Variants in XRCC4 observed in about 807,000 individuals in gnomAD.
XRCC4 encodes the protein X-ray repair cross complementing 4, also known as DNA repair protein XRCC4.
In XRCC4, 28 loss-of-function variants were observed where a neutral mutation model predicts 39.1. The ratio of observed to expected loss-of-function variants is 0.72; its 90% CI spans 0.53 to 0.98. The LOEUF (loss-of-function observed/expected upper bound fraction) is 0.98. Ranked by LOEUF, XRCC4 falls within the 50% of genes least tolerant of loss-of-function variation. XRCC4 has a pLI of 0.00. For missense variants in XRCC4, 350 were observed against 376.4 expected, an observed-to-expected ratio of 0.93 and a Z score of 0.58; for synonymous variants, 123 against 126.4, an observed-to-expected ratio of 0.97 and a Z score of 0.18.
chr5:83,097,701 G>A (rs1464169532), intron 1 of XRCC4, among the ~76,000 whole-genome samples: 1 of 152,116 alleles, frequency 6.6e-6, no homozygotes, highest in Admixed American at 6.6e-5. Context: ...GAAAAAGACT[G>A]CTGCTTAGTT....
At chr5:83,352,245 T>C (rs1561488598) in intron 7 of XRCC4, among the ~76,000 whole-genome samples, 1 of 152,178 alleles carries the variant, frequency 6.6e-6, no homozygotes, top group African/African-American at 2.4e-5. Flanking sequence ...AACTTGGAAA[T>C]AGAGGGGTAT....
intron 7 of XRCC4, chr5:83,280,615 A>C (rs1249020506): frequency 1.3e-5 from 5 of 399,912 alleles, no homozygotes; most frequent in Non-Finnish European, 2.3e-5. Flanking sequence ...CACCCTTCTC[A>C]AGGCTGCCTG....
At chr5:83,120,686 A>C (rs1251784025) in intron 3 of XRCC4, among the ~76,000 whole-genome samples, 1 of 152,192 alleles carries the variant, frequency 6.6e-6, no homozygotes, top group East Asian at 1.9e-4. Context: ...TTTTTGATGA[A>C]TATCTGGTGA....
rs74373750 is a variant in XRCC4 at position 83,094,884 on chromosome 5, C to CTTTT, written c.-10-10010_-10-10007dup. On this transcript the variant is annotated intron_variant, in intron 1 of 7. Coordinates refer to ENST00000396027, the MANE Select transcript of XRCC4 (RefSeq NM_003401.5). Reference sequence around the variant, plus strand: ...TTTTTAATAAGGATTATTCTGAAATCTTTTTTTTTTTTTTTTTTTACCATT... The same window carrying CTTTT: ...TTTTTAATAAGGATTATTCTGAAATCTTTTTTTTTTTTTTTTTTTTTTTACCATT... Among the ~76,000 whole-genome samples, 17 of 127,956 alleles carry CTTTT rather than the reference C, an allele frequency of 1.3e-4. 1 individual carries two copies. The highest frequency in any genetic ancestry group is 1.2e-3 in the Admixed American group (15 of 12,420). The allele number at this position is 127,956 out of a possible 152,430, so 83.9% of individuals were successfully genotyped here. A position where few individuals can be genotyped will look rare whatever the true frequency, so the allele number is the denominator to read the frequency against.
intron 3 of XRCC4, among the ~76,000 whole-genome samples, chr5:83,160,812 C>T (rs370810708): frequency 3.9e-5 from 6 of 152,164 alleles, no homozygotes; most frequent in South Asian, 4.2e-4. Flanking sequence ...CTACCCACCC[C>T]GCCACCCCCT....
chr5:83,286,555 C>T (rs892433670), intron 7 of XRCC4, among the ~76,000 whole-genome samples: 3 of 152,126 alleles, frequency 2.0e-5, no homozygotes, highest in Non-Finnish European at 4.4e-5. Flanking sequence ...AATTTCTTCT[C>T]TTGGAAACCT....
intron 7 of XRCC4, among the ~76,000 whole-genome samples, chr5:83,297,547 A>G (rs527679671): frequency 6.6e-6 from 1 of 152,130 alleles, no homozygotes; most frequent in South Asian, 2.1e-4. Flanking sequence ...AGCTATTAAT[A>G]TCAGTTAACA....
intron 7 of XRCC4, among the ~76,000 whole-genome samples, chr5:83,309,832 A>ACAT (rs1755645348): frequency 6.6e-6 from 1 of 151,832 alleles, no homozygotes; most frequent in Non-Finnish European, 1.5e-5. Flanking sequence ...ACCATCTATC[A>ACAT]CATCTCTGCA....
At chr5:83,357,953 T>C (rs1482380310), downstream of XRCC4, among the ~76,000 whole-genome samples, 1 of 152,206 alleles carries the variant, frequency 6.6e-6, no homozygotes, top group Non-Finnish European at 1.5e-5. Flanking sequence ...AATTTACTTA[T>C]AAGACAAGAA....
chr5:83,107,762 A>G (rs543799838), intron 2 of XRCC4, among the ~76,000 whole-genome samples: 7 of 152,102 alleles, frequency 4.6e-5, no homozygotes, highest in African/African-American at 1.4e-4. Context: ...ATTATCCACT[A>G]ATTAGATCCA....
chr5:83,093,356 T>G (rs773162890), intron 1 of XRCC4, among the ~76,000 whole-genome samples: 3 of 152,140 alleles, frequency 2.0e-5, no homozygotes, highest in Non-Finnish European at 4.4e-5. Context: ...TGTAATACAA[T>G]AACAGTAGAG....
At chr5:83,147,597 A>G (rs535192969) in intron 3 of XRCC4, among the ~76,000 whole-genome samples, 1 of 152,204 alleles carries the variant, frequency 6.6e-6, no homozygotes, top group East Asian at 1.9e-4. Flanking sequence ...AGGATACACA[A>G]TTTCAATTAG....
At chr5:83,247,440 G>A (rs189517271) in intron 6 of XRCC4, among the ~76,000 whole-genome samples, 11 of 152,200 alleles carry the variant, frequency 7.2e-5, no homozygotes, top group South Asian at 4.2e-4. Flanking sequence ...AACCTCACCC[G>A]GTCCATGGAA....
chr5:83,242,294 A>G (rs1752944517), intron 6 of XRCC4, among the ~76,000 whole-genome samples: 1 of 151,794 alleles, frequency 6.6e-6, no homozygotes, highest in East Asian at 1.9e-4. Context: ...GTTTTGCTTC[A>G]TGGATATTTA....
At chr5:83,309,300 TATATATA>T (rs1755618266) in intron 7 of XRCC4, among the ~76,000 whole-genome samples, 1 of 67,828 alleles carries the variant, frequency 1.5e-5, no homozygotes, top group African/African-American at 5.0e-5. Flanking sequence ...AAAAAAAATA[TATATATA>T]TATATATATA....
At chr5:83,154,682 A>C (rs1748873689) in intron 3 of XRCC4, among the ~76,000 whole-genome samples, 1 of 152,154 alleles carries the variant, frequency 6.6e-6, no homozygotes, top group South Asian at 2.1e-4. Context: ...CAAGAGCAAT[A>C]GTCTTTCTTT....
intron 3 of XRCC4, among the ~76,000 whole-genome samples, chr5:83,120,399 G>A (rs1746953341): frequency 6.6e-6 from 1 of 152,114 alleles, no homozygotes; most frequent in South Asian, 2.1e-4. Flanking sequence ...GCACTTTCAA[G>A]CCTCTTTGCA....
chr5:83,167,714 A>T (rs568274303), intron 3 of XRCC4, among the ~76,000 whole-genome samples: 179 of 152,314 alleles, frequency 1.2e-3, no homozygotes, highest in Non-Finnish European at 1.6e-3. Flanking sequence ...GGATCTCAAG[A>T]TAAGAGATAG....
intron 6 of XRCC4, among the ~76,000 whole-genome samples, chr5:83,248,648 T>G (rs536034374): frequency 1.3e-5 from 2 of 152,304 alleles, no homozygotes; most frequent in African/African-American, 4.8e-5. Context: ...AACTGTAATT[T>G]GAAGATAGCT....
Sources: gnomAD v4.1 joint callset for allele counts (sites outside exome capture counted in the v4.1 genomes callset) on GRCh38, gnomAD v4.1.1 for gene constraint, MANE v1.5 for transcripts, NCBI Gene and HGNC (gene_info 2026-07-23, HGNC 2026-07-21) for gene names.